PARP11: variants seen among roughly 807,000 people sequenced by gnomAD.
The protein encoded by PARP11 is protein mono-ADP-ribosyltransferase PARP11.
Under a neutral mutation model 42.9 loss-of-function variants are expected in PARP11, and 31 were observed. The ratio of observed to expected loss-of-function variants is 0.72; its 90% CI spans 0.54 to 0.98. The LOEUF (loss-of-function observed/expected upper bound fraction) is 0.98. Among genes scored for constraint, PARP11 ranks in the 50% least tolerant of loss-of-function variants. The pLI is 0.00. For missense variants in PARP11, 365 were observed against 413.1 expected (o/e 0.88, Z 1.01); for synonymous variants, 137 against 127.3 (o/e 1.08, Z -0.51).
rs1402736341 is a variant in PARP11, at chr12:3,840,055, A to C, written c.19-10037T>G. 6.2e-7 allele frequency: 1 copy of C among 1,609,720 alleles called. No individual in the cohort carries two copies. Among genetic ancestry groups the C allele is most frequent in the Non-Finnish European group, 8.5e-7 (1 of 1,175,878 alleles). On this transcript the variant is annotated intron_variant, in intron 1 of 7. Transcript: ENST00000228820. The surrounding 1 kb of genome is among the most constrained non-coding windows in gnomAD (Gnocchi z 4.4). ...GGCTAGAAAGGTTCTTAAGTCACTC[A>C]ATCCTGCAGTCTATAGAAATGTGGA...
chr12:3,873,094 C>G, intron 1 of PARP11, 118 bp downstream of exon 1: 2 of 1,008,512 alleles, frequency 2.0e-6, no homozygotes, highest in Non-Finnish European at 1.5e-6. Flanking sequence ...GAACTCCGGT[C>G]CCGGAACTCA....
chr12:3,829,805 A>G (rs1406881026), intron 2 of PARP11, 85 bp downstream of exon 2: 1 of 1,334,158 alleles, frequency 7.5e-7, no homozygotes, highest in Non-Finnish European at 1.0e-6. Context: ...TTCAAGTTCT[A>G]TATTTATACT....
intron 1 of PARP11, among the ~76,000 whole-genome samples, chr12:3,836,511 TCG>T: frequency 6.6e-6 from 1 of 152,056 alleles, no homozygotes; most frequent in African/African-American, 2.4e-5. Context: ...TACTAGGCAT[TCG>T]TAATAATCCA....
intron 4 of PARP11, 103 bp from the exon 5 acceptor site, chr12:3,822,260 T>A: frequency 1.2e-6 from 1 of 864,880 alleles, no homozygotes; most frequent in South Asian, 1.6e-5. Flanking sequence ...CAGGGTATTG[T>A]GACAAATGCA....
chr12:3,829,013 C>A lies in PARP11; in HGVS notation c.165G>T (p.Gln55His). The A allele has an allele frequency of 1.9e-6, 3 of 1,614,006 alleles. No individual in the cohort carries two copies. Among genetic ancestry groups the A allele is most frequent in the Non-Finnish European group, 2.5e-6 (3 of 1,179,952 alleles). The change falls in exon 3 of 8, where the codon CAG becomes CAT. Residue 55 changes from glutamine (Q) to histidine (H), a missense_variant. Transcript: ENST00000228820. ...WHMFQPDTNS[Q>H]CSVSSEDIEK... ...CGATATCTTCACTGCTAACTGAACA[C>A]TGACTGTTGGTATCCGGCTTTAAGA...
In PARP11 at chr12:3,826,251, A is replaced by G; in HGVS notation, c.269-18T>C. 6.5e-7 allele frequency: 1 copy of G among 1,543,054 alleles called. No individual in the cohort carries two copies. On this transcript the variant is annotated intron_variant, in intron 3 of 7. Transcript: ENST00000228820. ...CTTCATTTCTGTATACAAAGACAAG[A>G]TATTAGATAAGTCATAAAAGTACAC...
At chr12:3,851,263 AGCGG>A (rs1948091210) in intron 1 of PARP11, among the ~76,000 whole-genome samples, 1 of 152,218 alleles carries the variant, frequency 6.6e-6, no homozygotes, top group Admixed American at 6.5e-5. Flanking sequence ...CTGGTTGGGC[AGCGG>A]GTGCAGCCCA....
intron 4 of PARP11, among the ~76,000 whole-genome samples, 154 bp from the exon 5 acceptor site, chr12:3,822,311 ACTGT>A (rs1291718121): frequency 6.6e-6 from 1 of 152,062 alleles, no homozygotes; most frequent in East Asian, 1.9e-4. Context: ...AAAATTATTG[ACTGT>A]CGGCCGGGCG....
intron 6 of PARP11, among the ~76,000 whole-genome samples, chr12:3,818,540 T>G (rs1947334831): frequency 6.6e-6 from 1 of 152,186 alleles, no homozygotes; most frequent in South Asian, 2.1e-4. Context: ...TTCAGTTCTC[T>G]CCCATGATTA....
chr12:3,866,394 G>C (rs1158972801), intron 1 of PARP11, among the ~76,000 whole-genome samples: 2 of 152,002 alleles, frequency 1.3e-5, no homozygotes, highest in African/African-American at 4.8e-5. Flanking sequence ...TTTTCTCTCA[G>C]AATCTTCAAA....
chr12:3,820,828 A>G lies in PARP11; in HGVS notation c.548+1045T>C, dbSNP rs965830686. 2.0e-5 allele frequency among the ~76,000 whole-genome samples: 3 copies of G among 152,198 alleles called. No individual in the cohort carries two copies. In the East Asian group the frequency reaches 5.8e-4, roughly 29 times the overall value. On this transcript the variant is annotated intron_variant, in intron 6 of 7. Transcript: ENST00000228820. The stretch of plus-strand genomic sequence containing the variant: ...AAATAAAAGTTGGTTTGGCCAATAG[A>G]CCCAAGACTATAAAGAACACAAGCT...
chr12:3,848,141 G>A (rs1328812957), intron 1 of PARP11, among the ~76,000 whole-genome samples: 1 of 151,938 alleles, frequency 6.6e-6, no homozygotes, highest in Non-Finnish European at 1.5e-5. Context: ...ACTATAAAAT[G>A]CTTATGAAAG....
chr12:3,846,552 C>T (rs1226562258), intron 1 of PARP11, among the ~76,000 whole-genome samples: 4 of 150,484 alleles, frequency 2.7e-5, no homozygotes, highest in Admixed American at 6.6e-5. Context: ...GTCAGGAGAT[C>T]GAGACCATCC....
Position 3,868,459 on chromosome 12 carries a change from T to C in PARP11, c.18+4753A>G, listed in dbSNP as rs1054825845. 2.0e-5 allele frequency among the ~76,000 whole-genome samples: 3 copies of C among 152,284 alleles called. No individual in the cohort carries two copies. In the East Asian group the frequency reaches 5.8e-4, roughly 29 times the overall value. ...TGGGTGACAGACTACCTATAGACAC[T>C]GAGGCTCAAATTTCAATTTCCAGCC... On this transcript the variant is annotated intron_variant, in intron 1 of 7. Coordinates refer to ENST00000228820, the MANE Select transcript of PARP11 (RefSeq NM_020367.6).
chr12:3,841,270 C>T (rs770249667), intron 1 of PARP11: 111 of 1,335,928 alleles, frequency 8.3e-5, no homozygotes, highest in Non-Finnish European at 1.1e-4. Context: ...GAATATTCTT[C>T]GATTCTTCTT....
chr12:3,835,010 G>A (rs58364151), intron 1 of PARP11, among the ~76,000 whole-genome samples: 240 of 152,240 alleles, frequency 1.6e-3, no homozygotes, highest in African/African-American at 5.0e-3. Flanking sequence ...TGAAGCCAGG[G>A]TTAAATGAAA....
chr12:3,840,213 C>T lies in PARP11; in HGVS notation c.19-10195G>A, dbSNP rs767161017. The T allele has an allele frequency of 6.2e-6, 10 of 1,610,570 alleles. No homozygotes were observed. Among genetic ancestry groups the T allele is most frequent in the South Asian group, 1.1e-5 (1 of 91,004 alleles). Reference sequence around the variant, plus strand: ...ACAATGGAAAATTTTTGAATGCAGACGTTCAAGGAGTTCATTCTGAGAATG... The same window carrying T: ...ACAATGGAAAATTTTTGAATGCAGATGTTCAAGGAGTTCATTCTGAGAATG... On this transcript the variant is annotated intron_variant, in intron 1 of 7. Coordinates refer to ENST00000228820, the MANE Select transcript of PARP11 (RefSeq NM_020367.6). This position sits in a 1 kb window ranked among gnomAD's most constrained non-coding sequence, Gnocchi z 4.4.
chr12:3,850,702 C>T (rs1022481124), intron 1 of PARP11, among the ~76,000 whole-genome samples: 2 of 152,038 alleles, frequency 1.3e-5, no homozygotes, highest in African/African-American at 4.8e-5. Context: ...GTCAGAAAGG[C>T]CTGCAGATAT....
intron 1 of PARP11, chr12:3,839,357 G>A (rs555211372): frequency 3.2e-5 from 47 of 1,447,882 alleles, no homozygotes; most frequent in Admixed American, 1.4e-4. Flanking sequence ...GCGGGGCCCC[G>A]CGAGGACGCG....
Sources: allele counts gnomAD v4.1 joint callset (sites outside exome capture counted in the v4.1 genomes callset), GRCh38; gene constraint gnomAD v4.1.1; non-coding constraint Gnocchi (gnomAD v3.1); transcripts MANE v1.5; gene names NCBI Gene and HGNC (gene_info 2026-07-23, HGNC 2026-07-21).